TMEM242: variants seen among roughly 807,000 people sequenced by gnomAD.
TMEM242 encodes UPF0463 transmembrane protein C6orf35.
A neutral mutation model predicts 18.2 loss-of-function variants in TMEM242; 10 were observed. The observed-to-expected ratio is 0.55, with a 90% CI of 0.34 to 0.93. TMEM242 has a LOEUF of 0.93. Ranked by LOEUF, TMEM242 falls within the 40% of genes least tolerant of loss-of-function variation. TMEM242 has a pLI of 0.02. For missense variants in TMEM242, 186 were observed against 175.5 expected, an observed-to-expected ratio of 1.06 and a Z score of -0.34; for synonymous variants, 57 against 69.9, an observed-to-expected ratio of 0.81 and a Z score of 0.92.
chr6:157,320,881 A>G (rs1218420894), intron 2 of TMEM242, among the ~76,000 whole-genome samples: 1 of 152,252 alleles, frequency 6.6e-6, no homozygotes, highest in East Asian at 1.9e-4. Context: ...TTTCAAGTAA[A>G]AATGATATTC....
chr6:157,312,570 G>C (rs1272197372), intron 3 of TMEM242, among the ~76,000 whole-genome samples: 510 of 8,254 alleles, frequency 0.062, 1 homozygote, highest in Non-Finnish European at 0.1. Flanking sequence ...CCCAGTGTAC[G>C]CTCACCCGGC....
Position 157,323,494 on chromosome 6 carries a change from C to T in TMEM242, c.6G>A (p.Glu2=), listed in dbSNP as rs782081013. The change falls in exon 1 of 4, where the codon GAG becomes GAA. Residue 2 remains glutamate (E), a synonymous_variant. Transcript: ENST00000400788. M[E]TAGAATGQPA... Reference sequence around the variant, plus strand: ...GCTGCCCAGTTGCAGCGCCCGCTGTCTCCATGTTTAGGTCGCCTCTAGTGC... The same window carrying T: ...GCTGCCCAGTTGCAGCGCCCGCTGTTTCCATGTTTAGGTCGCCTCTAGTGC... 1.5e-5 allele frequency: 25 copies of T among 1,613,722 alleles called. No homozygotes were observed. The East Asian group carries it at 2.2e-4, about 14-fold the overall frequency.
intron 3 of TMEM242, among the ~76,000 whole-genome samples, chr6:157,316,409 T>C (rs1483764440): frequency 6.6e-6 from 1 of 152,236 alleles, no homozygotes; most frequent in African/African-American, 2.4e-5. Flanking sequence ...CTGCTATGTC[T>C]AAAATGTCTG....
At chr6:157,312,356 T>TAGTGCCCCA (rs74209830) in intron 3 of TMEM242, among the ~76,000 whole-genome samples, 2 of 28,922 alleles carry the variant, frequency 6.9e-5, no homozygotes, top group Admixed American at 3.4e-4. Flanking sequence ...AGCCTCATCA[T>TAGTGCCCCA]GTCCCAGTGT....
At chr6:157,293,355 AAAACAAAC>A (rs111648623) in intron 3 of TMEM242, among the ~76,000 whole-genome samples, 29 of 148,264 alleles carry the variant, frequency 2.0e-4, no homozygotes, top group South Asian at 8.8e-4. Context: ...TATCTCTTTA[AAAACAAAC>A]AAACAAACAA....
chr6:157,296,184 G>T (rs587616051), intron 3 of TMEM242, among the ~76,000 whole-genome samples: 2 of 152,298 alleles, frequency 1.3e-5, no homozygotes, highest in South Asian at 2.1e-4. Flanking sequence ...AGAACTGACT[G>T]CCCTGTACCC....
At chr6:157,320,670 C>T (rs912351516) in intron 2 of TMEM242, among the ~76,000 whole-genome samples, 2 of 152,074 alleles carry the variant, frequency 1.3e-5, no homozygotes, top group Non-Finnish European at 2.9e-5. Flanking sequence ...GGGGTTTCAC[C>T]GTGTTGCCCA....
intron 3 of TMEM242, among the ~76,000 whole-genome samples, chr6:157,310,047 C>T (rs1025492670): frequency 6.6e-6 from 1 of 152,244 alleles, no homozygotes; most frequent in East Asian, 1.9e-4. Flanking sequence ...TCTAATCATA[C>T]CAACTAGGAA....
chr6:157,312,894 T>A (rs62425591), intron 3 of TMEM242, among the ~76,000 whole-genome samples: 4 of 151,864 alleles, frequency 2.6e-5, no homozygotes, highest in African/African-American at 4.8e-5. Flanking sequence ...AGCCTCATCA[T>A]AGTGTCCCAC....
At chr6:157,301,272 A>G (rs954001219) in intron 3 of TMEM242, among the ~76,000 whole-genome samples, 2 of 152,138 alleles carry the variant, frequency 1.3e-5, no homozygotes, top group African/African-American at 4.8e-5. Context: ...GCTTTAGAAT[A>G]TTGAATGCTG....
rs143984122 is a variant in TMEM242 at position 157,300,033 on chromosome 6, T to C, written c.328-7034A>G. ...AAGAGCCAGGCGCCCTTGAGCGGCA[T>C]GCGCGCTGCCTGACTGGGACACAGG... is the stretch of plus-strand genomic sequence containing the variant. On this transcript the variant is annotated intron_variant, in intron 3 of 3. Coordinates refer to ENST00000400788, the MANE Select transcript of TMEM242 (RefSeq NM_018452.6). The C allele has an allele frequency of 5.2e-3, 4,932 of 954,374 alleles. 157 individuals carry two copies. In the African/African-American group the frequency reaches 0.07, roughly 14 times the overall value. 59.1% of individuals were successfully genotyped at this position (954,374 alleles called of 1,614,324 possible). A position where few individuals can be genotyped will look rare whatever the true frequency, so the allele number is the denominator to read the frequency against.
intron 2 of TMEM242, among the ~76,000 whole-genome samples, chr6:157,321,331 A>G (rs1778494000): frequency 6.6e-6 from 1 of 152,174 alleles, no homozygotes; most frequent in South Asian, 2.1e-4. Context: ...TTCTTTACAC[A>G]GAATATTAAA....
chr6:157,289,192 TG>T lies in TMEM242; in HGVS notation c.*3708del, dbSNP rs1777651434. On this transcript the variant is annotated 3_prime_UTR_variant, in exon 4 of 4. Transcript: ENST00000400788. ...CTTGGGTGGGAAAGTTGAAACGATATGTGCTTCTTGGTAGCTGTGATTCTAA... is the reference window on the plus strand; with the variant it reads ...CTTGGGTGGGAAAGTTGAAACGATATTGCTTCTTGGTAGCTGTGATTCTAA... Among the ~76,000 whole-genome samples the T allele has an allele frequency of 6.6e-6, 1 of 152,212 alleles. No homozygotes were observed. Among genetic ancestry groups the T allele is most frequent in the African/African-American group, 2.4e-5 (1 of 41,454 alleles).
At chr6:157,314,632 G>T (rs1554250172) in intron 3 of TMEM242, among the ~76,000 whole-genome samples, 1 of 152,122 alleles carries the variant, frequency 6.6e-6, no homozygotes, top group East Asian at 1.9e-4. Flanking sequence ...AAACTTACCT[G>T]CCTTGGTCTA....
rs1777686849 is a variant in TMEM242 at position 157,291,704 on chromosome 6, A to G, written c.*1197T>C. On this transcript the variant is annotated 3_prime_UTR_variant, in exon 4 of 4. Coordinates refer to ENST00000400788, the MANE Select transcript of TMEM242 (RefSeq NM_018452.6). ...AACAGGGTAACATGGTCTAGAGAAA[A>G]GTATTACATTAAGTTCTTGTCATTT... 1 of 152,244 alleles carries G rather than the reference A, an allele frequency of 6.6e-6. No individual in the cohort carries two copies. Among genetic ancestry groups the G allele is most frequent in the African/African-American group, 2.4e-5 (1 of 41,466 alleles). The allele number at this position is 152,244 out of a possible 1,614,324, so 9.4% of individuals were successfully genotyped here.
rs1583553748 is a variant in TMEM242 at position 157,292,078 on chromosome 6, T to G, written c.*823A>C. On this transcript the variant is annotated 3_prime_UTR_variant, in exon 4 of 4. Transcript: ENST00000400788. ...GGTCCCAAATACTTTATATTGGGAC[T>G]CCGTACTCAGGTGACTTTCTGGTTA... The G allele has an allele frequency of 6.6e-6, 1 of 152,166 alleles. No individual in the cohort carries two copies. The highest frequency in any genetic ancestry group is 1.5e-5 in the Non-Finnish European group (1 of 68,028). The allele number at this position is 152,166 out of a possible 1,614,324, so 9.4% of individuals were successfully genotyped here.
chr6:157,304,802 T>C (rs896648352), intron 3 of TMEM242, among the ~76,000 whole-genome samples: 1 of 151,924 alleles, frequency 6.6e-6, no homozygotes, highest in Non-Finnish European at 1.5e-5. Context: ...TCTGAGGAGG[T>C]AAATTAAGTT....
chr6:157,299,842 G>A, intron 3 of TMEM242: 9 of 1,611,666 alleles, frequency 5.6e-6, no homozygotes, highest in Non-Finnish European at 7.6e-6. Context: ...CCTTCAGTTT[G>A]CCTTCATCAA....
intron 3 of TMEM242, among the ~76,000 whole-genome samples, chr6:157,300,717 C>A (rs1554247471): frequency 6.6e-6 from 1 of 152,164 alleles, no homozygotes; most frequent in Admixed American, 6.5e-5. Context: ...AGGGTAGGGG[C>A]CCGCTGGGAG....
Sources: allele counts gnomAD v4.1 joint callset (sites outside exome capture counted in the v4.1 genomes callset), GRCh38; gene constraint gnomAD v4.1.1; transcripts MANE v1.5; gene names NCBI Gene and HGNC (gene_info 2026-07-23, HGNC 2026-07-21).